LIMCH1: variants seen among roughly 807,000 people sequenced by gnomAD.
The protein encoded by LIMCH1 is LIM and calponin homology domains-containing protein 1.
In LIMCH1, 113 loss-of-function variants were observed where a neutral mutation model predicts 176.5. The ratio of observed to expected loss-of-function variants is 0.64; its 90% CI spans 0.55 to 0.75. The LOEUF (loss-of-function observed/expected upper bound fraction) is 0.75, where lower values mean the gene tolerates loss of function less well. Ranked by LOEUF, LIMCH1 falls within the 30% of genes least tolerant of loss-of-function variation. LIMCH1 has a pLI of 0.00. For synonymous variants in LIMCH1, 619 were observed against 645.9 expected, an observed-to-expected ratio of 0.96 and a Z score of 0.63; for missense variants, 1,674 against 1,814.9, an observed-to-expected ratio of 0.92 and a Z score of 1.41.
chr4:41,678,139 T>C (rs1560345215), intron 23 of LIMCH1, among the ~76,000 whole-genome samples: 1 of 152,098 alleles, frequency 6.6e-6, no homozygotes, highest in Admixed American at 6.6e-5. Context: ...CCTGTGTCCA[T>C]GTGTTCTCAT....
chr4:41,362,180 C>T (rs562956638), intron 1 of LIMCH1, among the ~76,000 whole-genome samples: 245 of 152,344 alleles, frequency 1.6e-3, no homozygotes, highest in African/African-American at 5.3e-3. Flanking sequence ...ACAGGGTTAA[C>T]CTGCTTCCCG....
chr4:41,467,155 A>G (rs1355227405), intron 1 of LIMCH1, among the ~76,000 whole-genome samples: 1 of 75,948 alleles, frequency 1.3e-5, no homozygotes, highest in East Asian at 2.8e-4. Flanking sequence ...GTGTATGTAT[A>G]TATACACACA....
At chr4:41,555,007 T>A (rs2081045239) in intron 1 of LIMCH1, among the ~76,000 whole-genome samples, 1 of 152,136 alleles carries the variant, frequency 6.6e-6, no homozygotes, top group South Asian at 2.1e-4. Flanking sequence ...TGCCATGGAG[T>A]CTTCTCCATT....
At chr4:41,643,412 A>G (rs966928573) in intron 14 of LIMCH1, among the ~76,000 whole-genome samples, 4 of 152,020 alleles carry the variant, frequency 2.6e-5, no homozygotes, top group African/African-American at 7.2e-5. Context: ...AGAGCCCTCT[A>G]TGTCTTGAAT....
At chr4:41,644,352 A>C in intron 14 of LIMCH1, 148 bp from the exon 15 acceptor site, 1 of 1,097,524 alleles carries the variant, frequency 9.1e-7, no homozygotes, top group South Asian at 2.0e-5. Context: ...GGGCCAGAAC[A>C]CACCGCCAGT....
At chr4:41,407,662 G>A (rs180782789) in intron 1 of LIMCH1, among the ~76,000 whole-genome samples, 116 of 152,262 alleles carry the variant, frequency 7.6e-4, no homozygotes, top group African/African-American at 2.6e-3. Flanking sequence ...AAAATATATC[G>A]AAACAAGATA....
rs906913372 is a variant in LIMCH1, at chr4:41,629,390, G to A, written c.1029-102G>A. The A allele has an allele frequency of 1.5e-5, 20 of 1,352,332 alleles. No individual in the cohort carries two copies. In the Admixed American group the frequency reaches 1.6e-4, roughly 11 times the overall value. The allele number at this position is 1,352,332 out of a possible 1,614,324, so 83.8% of individuals were successfully genotyped here. ...AAAAGTGTTTCCATCATTTTGTTCT[G>A]TCCTCAGCCTGTGAGTTTCCATGCT... On this transcript the variant is annotated intron_variant, in intron 8 of 31. Transcript: ENST00000503057.
intron 1 of LIMCH1, among the ~76,000 whole-genome samples, chr4:41,398,377 T>C (rs1283764682): frequency 6.6e-6 from 1 of 152,132 alleles, no homozygotes; most frequent in East Asian, 1.9e-4. Context: ...TGTGGGCTCA[T>C]CAATTTCCGT....
intron 2 of LIMCH1, among the ~76,000 whole-genome samples, chr4:41,600,399 A>G (rs2089706622): frequency 6.6e-6 from 1 of 152,216 alleles, no homozygotes; most frequent in African/African-American, 2.4e-5. Context: ...CAGAAACAAT[A>G]GCAACTGTGC....
chr4:41,524,792 C>T (rs1354336971), intron 3 of LIMCH1, among the ~76,000 whole-genome samples: 2 of 152,150 alleles, frequency 1.3e-5, no homozygotes, highest in Non-Finnish European at 2.9e-5. Context: ...ATTACGTTTT[C>T]TCATTTCAGT....
chr4:41,387,082 A>G (rs1481018843), intron 1 of LIMCH1, among the ~76,000 whole-genome samples: 5 of 152,244 alleles, frequency 3.3e-5, no homozygotes, highest in Non-Finnish European at 7.3e-5. Flanking sequence ...GGCTTCTGAG[A>G]CAAAAATTGT....
chr4:41,476,201 T>C (rs1185830804), intron 1 of LIMCH1, among the ~76,000 whole-genome samples: 1 of 152,236 alleles, frequency 6.6e-6, no homozygotes, highest in Non-Finnish European at 1.5e-5. Flanking sequence ...TTAATGGTGT[T>C]TAAGCTGATG....
At chr4:41,604,949 A>C (rs2090491224) in intron 3 of LIMCH1, among the ~76,000 whole-genome samples, 1 of 152,012 alleles carries the variant, frequency 6.6e-6, no homozygotes, top group African/African-American at 2.4e-5. Flanking sequence ...CTGGCCTACC[A>C]AGTAGAAGGA....
At chr4:41,376,091 T>G (rs1382981571) in intron 1 of LIMCH1, among the ~76,000 whole-genome samples, 1 of 152,196 alleles carries the variant, frequency 6.6e-6, no homozygotes, top group Non-Finnish European at 1.5e-5. Flanking sequence ...TCCAATAAAG[T>G]TTTCCCCAAA....
At chr4:41,427,742 C>T (rs2061242320) in intron 1 of LIMCH1, among the ~76,000 whole-genome samples, 1 of 152,094 alleles carries the variant, frequency 6.6e-6, no homozygotes, top group Admixed American at 6.5e-5. Context: ...AAACAGAAGC[C>T]AGACTTAAGG....
chr4:41,461,244 G>T (rs1285670054), intron 1 of LIMCH1, among the ~76,000 whole-genome samples: 1 of 152,174 alleles, frequency 6.6e-6, no homozygotes, highest in Non-Finnish European at 1.5e-5. Context: ...CTAGGAGGCA[G>T]CTGAACAGGG....
At chr4:41,460,483 A>C (rs2154152756) in intron 1 of LIMCH1, among the ~76,000 whole-genome samples, 1 of 81,188 alleles carries the variant, frequency 1.2e-5, no homozygotes, top group South Asian at 5.0e-4. Flanking sequence ...TATATATCTT[A>C]TAATATCATG....
chr4:41,380,524 G>T (rs1419858515), intron 1 of LIMCH1, among the ~76,000 whole-genome samples: 1 of 150,692 alleles, frequency 6.6e-6, no homozygotes, highest in East Asian at 1.9e-4. Flanking sequence ...CTGCCTCCCT[G>T]CTAGTGGAGA....
chr4:41,639,557 G>T (rs1170684260), intron 14 of LIMCH1, among the ~76,000 whole-genome samples: 1 of 152,034 alleles, frequency 6.6e-6, no homozygotes, highest in Non-Finnish European at 1.5e-5. Context: ...CCTGCTGCTT[G>T]GTTTTCACTC....
Sources: allele counts gnomAD v4.1 joint callset (sites outside exome capture counted in the v4.1 genomes callset), GRCh38; gene constraint gnomAD v4.1.1; transcripts MANE v1.5; gene names NCBI Gene and HGNC (gene_info 2026-07-23, HGNC 2026-07-21).